The following FRAS1 variants were observed in gnomAD, a reference collection of about 807,000 sequenced individuals.
FRAS1 encodes Fraser extracellular matrix complex subunit 1.
In FRAS1, 290 loss-of-function variants were observed where a neutral mutation model predicts 435.2. The observed-to-expected ratio is 0.67, with a 90% CI of 0.61 to 0.73. The LOEUF (loss-of-function observed/expected upper bound fraction) is 0.73, where lower values mean the gene tolerates loss of function less well. FRAS1 is among the 30% of genes least tolerant of loss of function. The pLI, the probability that FRAS1 is intolerant of heterozygous loss-of-function variation, is 0.00. For synonymous variants in FRAS1, 1,800 were observed against 1,851.0 expected (o/e 0.97, Z 0.71); for missense variants, 4,860 against 5,001.5 (o/e 0.97, Z 0.85).
intron 1 of FRAS1, among the ~76,000 whole-genome samples, chr4:78,059,226 C>T (rs1739629799): frequency 6.6e-6 from 1 of 152,136 alleles, no homozygotes; most frequent in South Asian, 2.1e-4. Context: ...CTGCGGGAGG[C>T]CCGGGGAGGA....
chr4:78,073,471 T>A (rs1740465881), intron 2 of FRAS1, among the ~76,000 whole-genome samples: 1 of 152,212 alleles, frequency 6.6e-6, no homozygotes, highest in African/African-American at 2.4e-5. Flanking sequence ...TACACTTCCC[T>A]CACTTTTTCT....
chr4:78,157,189 T>C (rs1052097260), intron 2 of FRAS1, among the ~76,000 whole-genome samples: 12 of 152,238 alleles, frequency 7.9e-5, no homozygotes, highest in African/African-American at 2.7e-4. Flanking sequence ...TTCCATGGTA[T>C]ATACATATAT....
intron 2 of FRAS1, among the ~76,000 whole-genome samples, chr4:78,116,984 A>T (rs919779008): frequency 1.3e-5 from 2 of 152,016 alleles, no homozygotes; most frequent in African/African-American, 4.8e-5. Flanking sequence ...GTTCCTTTCC[A>T]TGTTTAGTGC....
At chr4:78,530,698 A>AT (rs1248316391) in intron 70 of FRAS1, among the ~76,000 whole-genome samples, 16 of 152,108 alleles carry the variant, frequency 1.1e-4, no homozygotes, top group African/African-American at 3.9e-4. Context: ...ATTGGTCTAT[A>AT]TATCTCTTTT....
intron 7 of FRAS1, among the ~76,000 whole-genome samples, chr4:78,266,576 T>C (rs1201370933): frequency 6.6e-6 from 1 of 152,230 alleles, no homozygotes; most frequent in Non-Finnish European, 1.5e-5. Context: ...CTCGGGTCTC[T>C]ATGTGCCTGG....
At chr4:78,303,862 A>G (rs77606917) in intron 14 of FRAS1, among the ~76,000 whole-genome samples, 39,981 of 143,272 alleles carry the variant, frequency 0.28, 5,799 homozygotes, top group Admixed American at 0.33. Context: ...TCTCCTGCCT[A>G]ATTGCCCTGG....
intron 2 of FRAS1, among the ~76,000 whole-genome samples, chr4:78,112,069 C>T (rs1304242988): frequency 6.6e-6 from 1 of 152,106 alleles, no homozygotes; most frequent in Non-Finnish European, 1.5e-5. Flanking sequence ...TTGATAATCT[C>T]CTTCACCTTA....
chr4:78,236,916 A>G (rs1360196754), intron 2 of FRAS1, among the ~76,000 whole-genome samples: 1 of 152,152 alleles, frequency 6.6e-6, no homozygotes, highest in Non-Finnish European at 1.5e-5. Context: ...GCCCACACTT[A>G]TGCTTCATTT....
intron 15 of FRAS1, among the ~76,000 whole-genome samples, chr4:78,313,638 A>C (rs1729124187): frequency 6.6e-6 from 1 of 152,176 alleles, no homozygotes; most frequent in Non-Finnish European, 1.5e-5. Context: ...CTCTGTTCAA[A>C]GCCAGTCTCT....
chr4:78,530,887 G>A (rs1020856908), intron 70 of FRAS1, among the ~76,000 whole-genome samples: 1 of 152,200 alleles, frequency 6.6e-6, no homozygotes, highest in Non-Finnish European at 1.5e-5. Context: ...AAGTCCGTTT[G>A]TAGCTTGATG....
intron 66 of FRAS1, among the ~76,000 whole-genome samples, chr4:78,518,422 G>GTGTATATATA (rs1397809156): frequency 7.4e-6 from 1 of 135,724 alleles, no homozygotes; most frequent in African/African-American, 3.0e-5. Context: ...TTTTTGTTGT[G>GTGTATATATA]TATATATATA....
At chr4:78,430,834 T>C (rs1734191604) in intron 37 of FRAS1, among the ~76,000 whole-genome samples, 1 of 152,172 alleles carries the variant, frequency 6.6e-6, no homozygotes, top group African/African-American at 2.4e-5. Flanking sequence ...ACTACATCTA[T>C]CTTCATCCAT....
At chr4:78,395,217 A>G (rs1342455229) in intron 29 of FRAS1, among the ~76,000 whole-genome samples, 1 of 151,938 alleles carries the variant, frequency 6.6e-6, no homozygotes, top group Non-Finnish European at 1.5e-5. Flanking sequence ...GGGATGGCCA[A>G]AGAAGATACT....
intron 21 of FRAS1, 69 bp from the exon 22 acceptor site, chr4:78,363,839 C>T: frequency 6.5e-7 from 1 of 1,539,002 alleles, no homozygotes; most frequent in Non-Finnish European, 8.8e-7. Flanking sequence ...TTATTACCCA[C>T]ACTTGGGGTG....
chr4:78,536,244 C>T (rs551439232), intron 71 of FRAS1, among the ~76,000 whole-genome samples: 1 of 148,806 alleles, frequency 6.7e-6, no homozygotes, highest in Non-Finnish European at 1.5e-5. Context: ...CTCTCACTCC[C>T]ACCCCAAATG....
intron 2 of FRAS1, chr4:78,071,556 T>C (rs955524369): frequency 6.6e-6 from 1 of 152,160 alleles, no homozygotes; most frequent in Non-Finnish European, 1.5e-5. Context: ...TTAGGTTAGC[T>C]TTTCTCCAAG....
chr4:78,446,932 T>G, intron 43 of FRAS1, 52 bp downstream of exon 43: 1 of 1,509,032 alleles, frequency 6.6e-7, no homozygotes, highest in Non-Finnish European at 9.0e-7. Context: ...CCCGATGGGC[T>G]GTTAGAATAA....
intron 29 of FRAS1, among the ~76,000 whole-genome samples, chr4:78,399,426 A>G (rs1327264455): frequency 6.6e-6 from 1 of 152,206 alleles, no homozygotes; most frequent in Non-Finnish European, 1.5e-5. Context: ...GCCCTTTGTT[A>G]AAATATCAGA....
rs1721600767 is a variant in FRAS1 at position 78,528,134 on chromosome 4, T to C, written c.10925+1477T>C. Among the ~76,000 whole-genome samples the C allele has an allele frequency of 2.6e-5, 4 of 152,204 alleles. No individual in the cohort carries two copies. The South Asian group carries it at 8.3e-4, about 32-fold the overall frequency. ...CTACATTTGCTGAAAGTGAAGAATG[T>C]CGAGGTTTGAGAAGAGAGGAGGAAA... On this transcript the variant is annotated intron_variant, in intron 70 of 73. Transcript: ENST00000512123.
Sources: gnomAD v4.1 joint callset for allele counts (sites outside exome capture counted in the v4.1 genomes callset) on GRCh38, gnomAD v4.1.1 for gene constraint, MANE v1.5 for transcripts, NCBI Gene and HGNC (gene_info 2026-07-23, HGNC 2026-07-21) for gene names.